FLACC1: variants seen among roughly 807,000 people sequenced by gnomAD.
FLACC1 encodes the protein flagellum-associated coiled-coil domain-containing protein 1.
In FLACC1, 66 loss-of-function variants were observed where a neutral mutation model predicts 62.8. The observed-to-expected ratio is 1.05, with a 90% CI of 0.86 to 1.29. The LOEUF (loss-of-function observed/expected upper bound fraction) is 1.29, where lower values mean the gene tolerates loss of function less well. Ranked by LOEUF, FLACC1 falls within the 50% of genes most tolerant of loss-of-function variation. The pLI, the probability that FLACC1 is intolerant of heterozygous loss-of-function variation, is 0.00. For synonymous variants in FLACC1, 156 were observed against 161.0 expected, an observed-to-expected ratio of 0.97 and a Z score of 0.24; for missense variants, 452 against 489.1, an observed-to-expected ratio of 0.92 and a Z score of 0.71.
chr2:201,293,402 C>A (rs558051750), intron 12 of FLACC1, among the ~76,000 whole-genome samples: 11 of 152,300 alleles, frequency 7.2e-5, no homozygotes, highest in African/African-American at 1.4e-4. Flanking sequence ...GGAAACTGAA[C>A]AACCTGCTCC....
At chr2:201,302,409 A>G (rs1950004793) in intron 11 of FLACC1, among the ~76,000 whole-genome samples, 1 of 152,240 alleles carries the variant, frequency 6.6e-6, no homozygotes, top group Non-Finnish European at 1.5e-5. Context: ...CACCCAATAC[A>G]GGAGCAGCCA....
intron 12 of FLACC1, among the ~76,000 whole-genome samples, chr2:201,293,614 A>G (rs893579575): frequency 2.0e-5 from 3 of 152,184 alleles, no homozygotes; most frequent in African/African-American, 7.2e-5. Context: ...TAAAAGAACT[A>G]GAGAAGCAAG....
chr2:201,340,269 C>A (rs1287914091), intron 7 of FLACC1, among the ~76,000 whole-genome samples: 3 of 152,046 alleles, frequency 2.0e-5, no homozygotes, highest in African/African-American at 7.3e-5. Flanking sequence ...CTTACTACTG[C>A]CATTTTGTTA....
rs751946470 is a variant in FLACC1 at position 201,344,165 on chromosome 2, C to T, written c.462+5G>A. On this transcript the variant is annotated splice_donor_5th_base_variant and intron_variant, in intron 6 of 14. Transcript: ENST00000392257. Reference sequence around the variant, plus strand: ...GAAGATGTTAGCTAATGTAAGGTCACTCACCAATTTCTGGGCAGACTGGTG... The same window carrying T: ...GAAGATGTTAGCTAATGTAAGGTCATTCACCAATTTCTGGGCAGACTGGTG... The T allele has an allele frequency of 4.4e-6, 7 of 1,601,654 alleles. No homozygotes were observed. In the Admixed American group the frequency reaches 8.5e-5, roughly 19 times the overall value.
rs373905313 is a variant in FLACC1 at position 201,346,614 on chromosome 2, G to C, written c.296C>G (p.Thr99Ser). ...LVRNREQISVTLGDEMFDRKK... is the reference protein window; with the variant it reads ...LVRNREQISVSLGDEMFDRKK... ...CCTATCAAACATCTCATCCCCTAAG[G>C]TGACAGAAATCTGTTCCCGATTCCG... is the stretch of plus-strand genomic sequence containing the variant. The change falls in exon 5 of 15, where the codon ACC (threonine) becomes AGC (serine). Residue 99 changes from threonine (T) to serine (S), a missense_variant. By Grantham distance (58) the Thr-to-Ser change is moderately conservative (BLOSUM62 1). This residue lies in a region of FLACC1 where 147 missense variants were observed against 152.7 expected (regional missense o/e 0.96). Transcript: ENST00000392257. The surrounding 1 kb of genome is among the most constrained non-coding windows in gnomAD (Gnocchi z 4.0). 383 of 1,614,092 alleles carry C rather than the reference G, an allele frequency of 2.4e-4. No individual in the cohort carries two copies. The highest frequency in any genetic ancestry group is 3.0e-4 in the Non-Finnish European group (358 of 1,180,060).
intron 7 of FLACC1, among the ~76,000 whole-genome samples, chr2:201,331,143 A>AT (rs202240598): frequency 0.029 from 4,358 of 151,534 alleles, 82 homozygotes; most frequent in Middle Eastern, 0.061. Context: ...TAATTTTTTA[A>AT]TTTTTTGTAG....
chr2:201,352,501 G>A (rs1182254471), intron 1 of FLACC1, among the ~76,000 whole-genome samples: 1 of 152,194 alleles, frequency 6.6e-6, no homozygotes, highest in African/African-American at 2.4e-5. Context: ...GAAAATGGGA[G>A]AGGAGACAAG....
At chr2:201,319,194 A>C (rs1950356462) in intron 9 of FLACC1, among the ~76,000 whole-genome samples, 1 of 152,236 alleles carries the variant, frequency 6.6e-6, no homozygotes, top group African/African-American at 2.4e-5. Context: ...TAGCAAACTC[A>C]GAAATAAAGC....
intron 7 of FLACC1, 135 bp from the exon 8 acceptor site, chr2:201,330,968 A>C: frequency 3.3e-6 from 2 of 608,818 alleles, no homozygotes; most frequent in South Asian, 3.2e-5. Flanking sequence ...AAAATTTTTA[A>C]ATCTTTTTTT....
chr2:201,291,040 C>G (rs1421736335), intron 12 of FLACC1, among the ~76,000 whole-genome samples: 3 of 152,298 alleles, frequency 2.0e-5, no homozygotes, highest in Admixed American at 6.5e-5. Flanking sequence ...GAAGCTCGAA[C>G]TGGGTGGAGC....
chr2:201,293,762 A>G (rs1262448431), intron 12 of FLACC1, among the ~76,000 whole-genome samples: 30 of 152,026 alleles, frequency 2.0e-4, no homozygotes, highest in Admixed American at 1.6e-3. Flanking sequence ...CAACAAAATT[A>G]ATAGAATGCT....
At chr2:201,294,073 A>G (rs555681632) in intron 12 of FLACC1, among the ~76,000 whole-genome samples, 1 of 152,364 alleles carries the variant, frequency 6.6e-6, no homozygotes, top group South Asian at 2.1e-4. Context: ...ATGGATTCAC[A>G]GCCGAATTCT....
At chr2:201,341,486 T>C (rs1187163061) in intron 7 of FLACC1, among the ~76,000 whole-genome samples, 1 of 149,900 alleles carries the variant, frequency 6.7e-6, no homozygotes, top group Non-Finnish European at 1.5e-5. Context: ...ACTATATATA[T>C]ACACTCACAC....
chr2:201,307,594 C>A lies in FLACC1; in HGVS notation c.804G>T (p.Met268Ile), dbSNP rs1186320975. The part of the protein sequence containing the change: ...QKKKMTKKFE[M>I]ESGEEDKKIN... The stretch of plus-strand genomic sequence containing the variant: ...TTTTCTTATCTTCTTCTCCTGACTC[C>A]ATTTCGAATTTTTTGGTCATCTTTT... Residue 268 changes from methionine to isoleucine, a missense_variant, in exon 11 of 15, where the codon ATG (methionine) becomes ATT (isoleucine). By Grantham distance (10) the Met-to-Ile change is conservative (BLOSUM62 1). Around this residue, in one of 3 missense-constraint regions of FLACC1, gnomAD observed 301 missense variants for 318.4 expected, o/e 0.95. Coordinates refer to ENST00000392257, the MANE Select transcript of FLACC1 (RefSeq NM_001127391.3). The A allele has an allele frequency of 1.2e-6, 2 of 1,614,096 alleles. No individual in the cohort carries two copies. The highest frequency in any genetic ancestry group is 1.7e-5 in the Admixed American group (1 of 60,024).
upstream of FLACC1, among the ~76,000 whole-genome samples, chr2:201,358,935 G>T (rs1020711148): frequency 6.6e-6 from 1 of 152,184 alleles, no homozygotes; most frequent in African/African-American, 2.4e-5. Flanking sequence ...CAGTGAGTCA[G>T]GCAGCAGTGT....
Position 201,357,344 on chromosome 2 carries a change from TG to T in FLACC1, c.-411del, listed in dbSNP as rs1951136674. ...AGATTCCTGTGACTTGGGCCTGAGT[TG>T]TGAGGTTTGCCCTTGGGAGATGGCA... On this transcript the variant is annotated 5_prime_UTR_variant, in exon 1 of 15. Transcript: ENST00000392257. 6.6e-6 allele frequency: 1 copy of T among 152,220 alleles called. No individual in the cohort carries two copies. Among genetic ancestry groups the T allele is most frequent in the Non-Finnish European group, 1.5e-5 (1 of 68,056 alleles). 9.4% of individuals were successfully genotyped at this position (152,220 alleles called of 1,614,324 possible). A position where few individuals can be genotyped will look rare whatever the true frequency, so the allele number is the denominator to read the frequency against.
At chr2:201,318,779 A>G (rs1396627921) in intron 9 of FLACC1, among the ~76,000 whole-genome samples, 1 of 152,238 alleles carries the variant, frequency 6.6e-6, no homozygotes, top group Non-Finnish European at 1.5e-5. Context: ...AAAAGTAATG[A>G]ATTAATGGCA....
intron 1 of FLACC1, among the ~76,000 whole-genome samples, chr2:201,356,478 T>C (rs941364023): frequency 1.3e-5 from 2 of 152,188 alleles, no homozygotes; most frequent in Non-Finnish European, 2.9e-5. Flanking sequence ...AGTATTTTAA[T>C]ATTTCAGTAG....
chr2:201,326,199 G>A lies in FLACC1; in HGVS notation c.675+4271C>T, dbSNP rs1329037907. Among the ~76,000 whole-genome samples the A allele has an allele frequency of 6.6e-6, 1 of 151,832 alleles. No homozygotes were observed. Among genetic ancestry groups the A allele is most frequent in the Non-Finnish European group, 1.5e-5 (1 of 67,996 alleles). ...AAAAGCCATATGTGACAAACCCACAGCCAACATCATACTGAATGGAAAAAA... is the reference window on the plus strand; with the variant it reads ...AAAAGCCATATGTGACAAACCCACAACCAACATCATACTGAATGGAAAAAA... On this transcript the variant is annotated intron_variant, in intron 9 of 14. Transcript: ENST00000392257. The surrounding 1 kb of genome is among the most constrained non-coding windows in gnomAD (Gnocchi z 4.1).
Sources: gnomAD v4.1 joint callset for allele counts (sites outside exome capture counted in the v4.1 genomes callset) on GRCh38, gnomAD v4.1.1 for gene constraint, gnomAD v4.1.1 regional missense constraint, Gnocchi (gnomAD v3.1) non-coding constraint, MANE v1.5 for transcripts, NCBI Gene and HGNC (gene_info 2026-07-23, HGNC 2026-07-21) for gene names.